Variants in ZCWPW2 observed in about 807,000 individuals in gnomAD.
ZCWPW2 encodes the protein zinc finger CW-type and PWWP domain containing 2, also known as zinc finger CW-type PWWP domain protein 2.
In ZCWPW2, 45 loss-of-function variants were observed where a neutral mutation model predicts 46.6. The ratio of observed to expected loss-of-function variants is 0.96; its 90% confidence interval spans 0.76 to 1.24. ZCWPW2 has a LOEUF of 1.24. ZCWPW2 is among the 50% of genes most tolerant of loss of function. ZCWPW2 has a pLI of 0.00. For synonymous variants in ZCWPW2, 152 were observed against 137.1 expected (o/e 1.11, Z -0.76); for missense variants, 429 against 403.9 (o/e 1.06, Z -0.53).
At chr3:28,504,859 C>A (rs1700236342) in intron 6 of ZCWPW2, among the ~76,000 whole-genome samples, 1 of 152,198 alleles carries the variant, frequency 6.6e-6, no homozygotes, top group Non-Finnish European at 1.5e-5. Flanking sequence ...GACACCCTGT[C>A]TGGATTAGTC....
chr3:28,436,329 T>C (rs1697494711), intron 4 of ZCWPW2, among the ~76,000 whole-genome samples: 1 of 145,124 alleles, frequency 6.9e-6, no homozygotes, highest in South Asian at 2.2e-4. Flanking sequence ...TTTTCTTTTT[T>C]TTTTTTTTTT....
chr3:28,356,280 T>C (rs989718079), intron 1 of ZCWPW2, among the ~76,000 whole-genome samples: 5 of 152,080 alleles, frequency 3.3e-5, no homozygotes, highest in African/African-American at 1.2e-4. Context: ...ATCAGAGAAA[T>C]GCAAATCACA....
chr3:28,421,312 G>A (rs1696775880), intron 3 of ZCWPW2, among the ~76,000 whole-genome samples: 1 of 152,112 alleles, frequency 6.6e-6, no homozygotes, highest in Non-Finnish European at 1.5e-5. Flanking sequence ...TATTAACCCT[G>A]GAAGGTGGTA....
chr3:28,356,747 C>T (rs1261070468), intron 1 of ZCWPW2, among the ~76,000 whole-genome samples: 2 of 152,132 alleles, frequency 1.3e-5, no homozygotes, highest in Admixed American at 1.3e-4. Flanking sequence ...AGCAAACTCT[C>T]GCAAGGACAG....
At chr3:28,371,137 ATG>A (rs1183700525) in intron 1 of ZCWPW2, among the ~76,000 whole-genome samples, 1 of 152,222 alleles carries the variant, frequency 6.6e-6, no homozygotes, top group Non-Finnish European at 1.5e-5. Context: ...GTATTGATAA[ATG>A]TATACATTTG....
chr3:28,485,316 A>G (rs1395921529), intron 5 of ZCWPW2, among the ~76,000 whole-genome samples: 1 of 152,072 alleles, frequency 6.6e-6, no homozygotes, highest in East Asian at 1.9e-4. Flanking sequence ...TTTATGGCCC[A>G]GGATGTGGTC....
At chr3:28,451,667 T>G (rs1436437805) in intron 4 of ZCWPW2, among the ~76,000 whole-genome samples, 1 of 152,186 alleles carries the variant, frequency 6.6e-6, no homozygotes, top group Non-Finnish European at 1.5e-5. Context: ...TAACATCTAA[T>G]TAAAAAGTGT....
At chr3:28,463,936 G>GA (rs916373207) in intron 4 of ZCWPW2, among the ~76,000 whole-genome samples, 1 of 151,488 alleles carries the variant, frequency 6.6e-6, no homozygotes, top group African/African-American at 2.4e-5. Context: ...GAAAAGAAGG[G>GA]AAAGAGAAGT....
intron 2 of ZCWPW2, among the ~76,000 whole-genome samples, chr3:28,409,510 A>T (rs1307249821): frequency 6.6e-6 from 1 of 152,156 alleles, no homozygotes; most frequent in African/African-American, 2.4e-5. Context: ...ATCTAAATGA[A>T]TATTGTAGAA....
intron 4 of ZCWPW2, among the ~76,000 whole-genome samples, chr3:28,454,484 C>G (rs183028432): frequency 6.6e-6 from 1 of 152,138 alleles, no homozygotes; most frequent in African/African-American, 2.4e-5. Flanking sequence ...TCACTTCTAA[C>G]TTTTATTTTA....
chr3:28,499,219 C>G (rs1382332901), intron 6 of ZCWPW2, among the ~76,000 whole-genome samples: 1 of 152,136 alleles, frequency 6.6e-6, no homozygotes, highest in South Asian at 2.1e-4. Context: ...TGCGGAATCA[C>G]CACACTGTCT....
intron 4 of ZCWPW2, among the ~76,000 whole-genome samples, chr3:28,436,100 A>G (rs1697478339): frequency 6.6e-6 from 1 of 152,134 alleles, no homozygotes; most frequent in African/African-American, 2.4e-5. Flanking sequence ...TTTTGCTATT[A>G]CTTTTGCACC....
At chr3:28,427,110 C>T (rs1467872247) in intron 3 of ZCWPW2, among the ~76,000 whole-genome samples, 1 of 152,142 alleles carries the variant, frequency 6.6e-6, no homozygotes, top group Non-Finnish European at 1.5e-5. Flanking sequence ...CAAAATTGAT[C>T]GTATACTTTT....
At chr3:28,495,758 A>C (rs1301290209) in intron 6 of ZCWPW2, among the ~76,000 whole-genome samples, 1 of 151,956 alleles carries the variant, frequency 6.6e-6, no homozygotes, top group Non-Finnish European at 1.5e-5. Flanking sequence ...TGGGGAAAAA[A>C]CTGATCCTTT....
intron 1 of ZCWPW2, among the ~76,000 whole-genome samples, chr3:28,385,096 G>A (rs1185680268): frequency 6.6e-6 from 1 of 152,086 alleles, no homozygotes; most frequent in African/African-American, 2.4e-5. Flanking sequence ...GCTTTTGGGG[G>A]ACATATTAAG....
chr3:28,490,937 A>G (rs759258400), intron 5 of ZCWPW2, among the ~76,000 whole-genome samples: 25 of 152,286 alleles, frequency 1.6e-4, no homozygotes, highest in Admixed American at 5.9e-4. Flanking sequence ...TTTCAGATTC[A>G]TATGAGATTT....
intron 2 of ZCWPW2, among the ~76,000 whole-genome samples, chr3:28,405,197 C>T (rs937513814): frequency 2.0e-5 from 3 of 151,980 alleles, no homozygotes; most frequent in African/African-American, 7.3e-5. Context: ...TTGATCTTTC[C>T]ACATAATATT....
intron 1 of ZCWPW2, among the ~76,000 whole-genome samples, chr3:28,352,126 G>GCGCACACA (rs369399294): frequency 4.6e-5 from 6 of 129,606 alleles, no homozygotes; most frequent in African/African-American, 1.7e-4. Context: ...TCAGATGTAT[G>GCGCACACA]CACACACACA....
At chr3:28,426,638 A>AT (rs1697024459) in intron 3 of ZCWPW2, among the ~76,000 whole-genome samples, 1 of 152,192 alleles carries the variant, frequency 6.6e-6, no homozygotes, top group South Asian at 2.1e-4. Flanking sequence ...ATCAATTAAT[A>AT]TACTAATAAT....
Sources: gnomAD v4.1 joint callset for allele counts (sites outside exome capture counted in the v4.1 genomes callset) on GRCh38, gnomAD v4.1.1 for gene constraint, MANE v1.5 for transcripts, NCBI Gene and HGNC (gene_info 2026-07-23, HGNC 2026-07-21) for gene names.